Variants in CCNY observed in about 807,000 individuals in gnomAD.
CCNY encodes cyclin Y.
In CCNY, 19 loss-of-function variants were observed where a neutral mutation model predicts 42.8. The ratio of observed to expected loss-of-function variants is 0.44; its 90% CI spans 0.31 to 0.65. The LOEUF is 0.65. Among genes scored for constraint, CCNY ranks in the 30% least tolerant of loss-of-function variants. CCNY has a pLI of 0.07. For synonymous variants in CCNY, 165 were observed against 162.7 expected (o/e 1.01, Z -0.11); for missense variants, 370 against 437.3 (o/e 0.85, Z 1.37).
At chr10:35,475,347 G>A (rs1457239565) in intron 1 of CCNY, among the ~76,000 whole-genome samples, 10 of 152,108 alleles carry the variant, frequency 6.6e-5, no homozygotes, top group South Asian at 4.1e-4. Context: ...CAAATTCACC[G>A]AAGTTGAAAT....
intron 4 of CCNY, among the ~76,000 whole-genome samples, chr10:35,521,774 C>T (rs1414371537): frequency 5.9e-5 from 9 of 152,142 alleles, no homozygotes; most frequent in African/African-American, 1.9e-4. Context: ...CCGTTCACTG[C>T]CAGCATGCAC....
At chr10:35,291,528 CTTTTT>C (rs71523373) in intron 3 of CCNY, among the ~76,000 whole-genome samples, 2 of 109,324 alleles carry the variant, frequency 1.8e-5, no homozygotes, top group Non-Finnish European at 3.6e-5. Context: ...GTACGACTTC[CTTTTT>C]TTTTTTTTTT....
At chr10:35,340,964 C>G (rs1836166725) in intron 1 of CCNY, among the ~76,000 whole-genome samples, 2 of 152,204 alleles carry the variant, frequency 1.3e-5, no homozygotes, top group Non-Finnish European at 2.9e-5. Flanking sequence ...GAGATTTAAG[C>G]AGCTGCCATC....
intron 3 of CCNY, among the ~76,000 whole-genome samples, chr10:35,303,933 T>C (rs1340214687): frequency 6.6e-6 from 1 of 152,122 alleles, no homozygotes; most frequent in African/African-American, 2.4e-5. Flanking sequence ...CAGATTACGA[T>C]GTGGGGAAAA....
intron 9 of CCNY, among the ~76,000 whole-genome samples, chr10:35,568,685 G>A (rs1393116146): frequency 6.6e-6 from 1 of 152,188 alleles, no homozygotes; most frequent in Non-Finnish European, 1.5e-5. Flanking sequence ...GGATGGTGCT[G>A]TTCTTGCCCC....
At chr10:35,425,526 G>A (rs971594157) in intron 1 of CCNY, among the ~76,000 whole-genome samples, 1 of 152,100 alleles carries the variant, frequency 6.6e-6, no homozygotes, top group African/African-American at 2.4e-5. Context: ...TCATAGAGTG[G>A]GATGTTATAT....
At chr10:35,534,754 C>G (rs1205401769) in intron 7 of CCNY, among the ~76,000 whole-genome samples, 1 of 152,014 alleles carries the variant, frequency 6.6e-6, no homozygotes, top group Non-Finnish European at 1.5e-5. Flanking sequence ...CGTTCTTAGC[C>G]TCCACCCAGG....
At chr10:35,375,485 A>G (rs1837031995) in intron 1 of CCNY, among the ~76,000 whole-genome samples, 1 of 152,202 alleles carries the variant, frequency 6.6e-6, no homozygotes, top group African/African-American at 2.4e-5. Context: ...AGCAGCTTTA[A>G]TTCCATCTGC....
At chr10:35,402,017 C>T (rs1002146213) in intron 1 of CCNY, among the ~76,000 whole-genome samples, 4 of 152,082 alleles carry the variant, frequency 2.6e-5, no homozygotes, top group Non-Finnish European at 4.4e-5. Flanking sequence ...AGAGGCCTGA[C>T]GTTCCTGTCT....
At chr10:35,349,474 A>C (rs1836381797) in intron 1 of CCNY, among the ~76,000 whole-genome samples, 1 of 152,246 alleles carries the variant, frequency 6.6e-6, no homozygotes, top group East Asian at 1.9e-4. Context: ...TATTGATGCC[A>C]ACCAGAGAAG....
At chr10:35,544,079 A>T (rs573922559) in intron 7 of CCNY, among the ~76,000 whole-genome samples, 1 of 152,374 alleles carries the variant, frequency 6.6e-6, no homozygotes, top group Admixed American at 6.5e-5. Context: ...AAGTTATAGT[A>T]AGCTAAGTTT....
At position 35,417,885 on chromosome 10, in the gene CCNY, C is replaced by G. The variant is rs529264070; in HGVS notation, c.155-65519C>G. 3.5e-4 allele frequency among the ~76,000 whole-genome samples: 53 copies of G among 152,310 alleles called. 1 individual carries two copies. The highest frequency in any genetic ancestry group is 1.2e-3 in the East Asian group (6 of 5,188). ...AAGCTACCAGGAATAGTTCACCTCTCTAGCAATCTGTTCTCTTTTTTTCAT... is the reference window on the plus strand; with the variant it reads ...AAGCTACCAGGAATAGTTCACCTCTGTAGCAATCTGTTCTCTTTTTTTCAT... On this transcript the variant is annotated intron_variant, in intron 1 of 9. Transcript: ENST00000374704.
chr10:35,282,720 C>CAAAAAAAAAA (rs71033390), intron 3 of CCNY, among the ~76,000 whole-genome samples: 1 of 88,258 alleles, frequency 1.1e-5, no homozygotes, highest in Non-Finnish European at 2.3e-5. Flanking sequence ...GAGACTGTCT[C>CAAAAAAAAAA]AAAAAAAAAA....
At chr10:35,274,683 G>T (rs1835216712) in intron 3 of CCNY, among the ~76,000 whole-genome samples, 1 of 152,182 alleles carries the variant, frequency 6.6e-6, no homozygotes, top group Admixed American at 6.5e-5. Flanking sequence ...GTGACAGAAG[G>T]CAGGGAGCTA....
intron 1 of CCNY, among the ~76,000 whole-genome samples, chr10:35,475,626 C>G (rs1839491523): frequency 6.7e-6 from 1 of 148,612 alleles, no homozygotes; most frequent in Admixed American, 6.6e-5. Flanking sequence ...CCTAAAAGAG[C>G]TCCTGAAGGA....
chr10:35,267,289 CAGAG>C (rs1014204540), intron 3 of CCNY, among the ~76,000 whole-genome samples: 5 of 147,222 alleles, frequency 3.4e-5, no homozygotes, highest in Non-Finnish European at 6.0e-5. Context: ...GCCTGGGCAA[CAGAG>C]AGAGATCCCA....
intron 3 of CCNY, among the ~76,000 whole-genome samples, chr10:35,303,230 G>A (rs1031876833): frequency 6.6e-6 from 1 of 151,854 alleles, no homozygotes; most frequent in Non-Finnish European, 1.5e-5. Flanking sequence ...GCCCAGGCTG[G>A]AGTGCAATGG....
At chr10:35,526,097 C>T in intron 5 of CCNY, 98 bp downstream of exon 5, 1 of 1,021,360 alleles carries the variant, frequency 9.8e-7, no homozygotes, top group Non-Finnish European at 1.5e-6. Context: ...TTGAATTATA[C>T]TTTCTTAACT....
chr10:35,262,870 A>T (rs940678251), intron 3 of CCNY, among the ~76,000 whole-genome samples: 2 of 151,962 alleles, frequency 1.3e-5, no homozygotes, highest in Admixed American at 6.6e-5. Context: ...TTGAGAAAAT[A>T]TGGAAGAAAT....
Sources: gnomAD v4.1 joint callset for allele counts (sites outside exome capture counted in the v4.1 genomes callset) on GRCh38, gnomAD v4.1.1 for gene constraint, MANE v1.5 for transcripts, NCBI Gene and HGNC (gene_info 2026-07-23, HGNC 2026-07-21) for gene names.